Variants in PLSCR4 observed in about 807,000 individuals in gnomAD.
The protein encoded by PLSCR4 is Ca(2+)-dependent phospholipid scramblase 4.
A neutral mutation model predicts 36.3 loss-of-function variants in PLSCR4; 25 were observed. The ratio of observed to expected loss-of-function variants is 0.69; its 90% CI spans 0.50 to 0.96. The LOEUF is 0.96. Among genes scored for constraint, PLSCR4 ranks in the 40% least tolerant of loss-of-function variants. The pLI is 0.00. For synonymous variants in PLSCR4, 122 were observed against 132.9 expected (o/e 0.92, Z 0.56); for missense variants, 408 against 414.7 (o/e 0.98, Z 0.14).
chr3:146,201,073 T>C lies in PLSCR4; in HGVS notation c.359A>G (p.Asp120Gly). The C allele has an allele frequency of 6.5e-7, 1 of 1,549,888 alleles. No individual in the cohort carries two copies. The highest frequency in any genetic ancestry group is 8.7e-7 in the Non-Finnish European group (1 of 1,155,388). ...AAAATGCTGAAGAACATGTATGTTGTCCAACTGTTGGGATAAAACAAAGCA... is the reference window on the plus strand; with the variant it reads ...AAAATGCTGAAGAACATGTATGTTGCCCAACTGTTGGGATAAAACAAAGCA... ...PPGLEYLVQL[D>G]NIHVLQHFEP... Residue 120 changes from aspartate to glycine, a missense_variant, in exon 5 of 9, where the codon GAC becomes GGC. By Grantham distance (94) the Asp-to-Gly change is moderately conservative. Coordinates refer to ENST00000354952, the MANE Select transcript of PLSCR4 (RefSeq NM_020353.3).
At chr3:146,232,021 T>C (rs2107824007) in intron 1 of PLSCR4, among the ~76,000 whole-genome samples, 1 of 152,288 alleles carries the variant, frequency 6.6e-6, no homozygotes, top group Non-Finnish European at 1.5e-5. Context: ...CCATTTTGAG[T>C]TGATTTTTGT....
intron 3 of PLSCR4, among the ~76,000 whole-genome samples, chr3:146,214,625 A>C (rs1258498705): frequency 6.6e-6 from 1 of 152,036 alleles, no homozygotes; most frequent in African/African-American, 2.4e-5. Context: ...TATACTCTAC[A>C]TGATTTTAAT....
intron 1 of PLSCR4, among the ~76,000 whole-genome samples, chr3:146,243,865 TAAAATAATAAAATTCAGTG>T (rs1358809048): frequency 6.6e-6 from 1 of 152,154 alleles, no homozygotes; most frequent in Non-Finnish European, 1.5e-5. Context: ...TCTTCTCACT[TAAAATAATAAAATTCAGTG>T]AATGATAACC....
intron 4 of PLSCR4, among the ~76,000 whole-genome samples, chr3:146,201,970 T>A (rs1022249420): frequency 6.6e-6 from 1 of 152,026 alleles, no homozygotes; most frequent in African/African-American, 2.4e-5. Flanking sequence ...AAGTGCCATA[T>A]TTCACCAAAC....
At chr3:146,228,913 C>A (rs981692080) in intron 1 of PLSCR4, among the ~76,000 whole-genome samples, 7 of 151,804 alleles carry the variant, frequency 4.6e-5, no homozygotes, top group East Asian at 1.9e-4. Flanking sequence ...ATTTTATAAA[C>A]CCTCTAATAT....
chr3:146,208,375 G>C (rs1174030643), intron 3 of PLSCR4, among the ~76,000 whole-genome samples: 3 of 152,100 alleles, frequency 2.0e-5, no homozygotes, highest in Admixed American at 2.0e-4. Flanking sequence ...CTTAGGCAAA[G>C]ACTTCATGAC....
chr3:146,228,931 G>A (rs2035585379), intron 1 of PLSCR4, among the ~76,000 whole-genome samples: 1 of 151,912 alleles, frequency 6.6e-6, no homozygotes, highest in South Asian at 2.1e-4. Flanking sequence ...TATATCACAA[G>A]TACCTAGGCT....
At chr3:146,200,700 G>GAT (rs1210667162) in intron 5 of PLSCR4, among the ~76,000 whole-genome samples, 3 of 152,012 alleles carry the variant, frequency 2.0e-5, no homozygotes, top group Non-Finnish European at 2.9e-5. Context: ...TGACTGTGGT[G>GAT]TCCCTGGCTA....
chr3:146,247,411 G>T (rs1421827803), intron 1 of PLSCR4, among the ~76,000 whole-genome samples: 1 of 151,598 alleles, frequency 6.6e-6, no homozygotes, highest in Non-Finnish European at 1.5e-5. Context: ...AAAAAAAATT[G>T]GTTTTATTTT....
chr3:146,249,914 G>A (rs1228701218), intron 1 of PLSCR4, among the ~76,000 whole-genome samples: 2 of 151,928 alleles, frequency 1.3e-5, no homozygotes, highest in Non-Finnish European at 2.9e-5. Context: ...TTATTTTACT[G>A]TATTATCTAG....
Position 146,227,325 on chromosome 3 carries a change from G to A in PLSCR4, c.-21-5233C>T, listed in dbSNP as rs371628475. Among the ~76,000 whole-genome samples, 20 of 152,274 alleles carry A rather than the reference G, an allele frequency of 1.3e-4. No homozygotes were observed. The East Asian group carries it at 3.5e-3, about 26-fold the overall frequency. On this transcript the variant is annotated intron_variant, in intron 1 of 8. Transcript: ENST00000354952. ...TGGGCTGCCTGGAATGTAATTAAGA[G>A]AGAAAGGAGACATGGGCTAGACAGG...
chr3:146,244,435 G>A (rs1227183797), intron 1 of PLSCR4, among the ~76,000 whole-genome samples: 1 of 151,996 alleles, frequency 6.6e-6, no homozygotes. Flanking sequence ...TTGTATCAAG[G>A]AGTCTATCAG....
At chr3:146,235,415 T>A (rs757744936) in intron 1 of PLSCR4, among the ~76,000 whole-genome samples, 13 of 152,278 alleles carry the variant, frequency 8.5e-5, no homozygotes, top group Admixed American at 2.0e-4. Context: ...CTGCCATGAC[T>A]GTAAGTTTCC....
intron 4 of PLSCR4, among the ~76,000 whole-genome samples, chr3:146,205,001 A>T (rs1281480525): frequency 6.6e-6 from 1 of 152,092 alleles, no homozygotes; most frequent in African/African-American, 2.4e-5. Context: ...CACCAATGTT[A>T]TAATATTATA....
chr3:146,219,911 G>A (rs1324460183), intron 3 of PLSCR4, among the ~76,000 whole-genome samples: 2 of 152,052 alleles, frequency 1.3e-5, no homozygotes, highest in African/African-American at 4.8e-5. Flanking sequence ...TTGCACTCCA[G>A]CCTGGGCAAC....
intron 1 of PLSCR4, among the ~76,000 whole-genome samples, chr3:146,234,668 A>C (rs1576491001): frequency 1.3e-5 from 2 of 152,284 alleles, no homozygotes; most frequent in South Asian, 2.1e-4. Context: ...AAAATAGGAG[A>C]GACCCAGAAA....
chr3:146,236,298 G>C (rs9830892), intron 1 of PLSCR4, among the ~76,000 whole-genome samples: 99,222 of 151,968 alleles, frequency 0.65, 35,338 homozygotes, highest in Non-Finnish European at 0.8. Context: ...AGATAAAGAA[G>C]AACAGAAAGG....
intron 1 of PLSCR4, among the ~76,000 whole-genome samples, chr3:146,228,400 A>C (rs560170863): frequency 2.0e-5 from 3 of 152,146 alleles, no homozygotes; most frequent in Non-Finnish European, 4.4e-5. Context: ...CCCATCTTCT[A>C]TATCCAGTAA....
At chr3:146,220,694 T>C (rs3762687) in intron 3 of PLSCR4, 121 bp downstream of exon 3, 233,151 of 678,484 alleles carry the variant, frequency 0.34, 41,286 homozygotes, top group African/African-American at 0.4. Flanking sequence ...GGCACCCTAT[T>C]GGCATCCAAT....
Sources: gnomAD v4.1 joint callset for allele counts (sites outside exome capture counted in the v4.1 genomes callset) on GRCh38, gnomAD v4.1.1 for gene constraint, MANE v1.5 for transcripts, NCBI Gene and HGNC (gene_info 2026-07-23, HGNC 2026-07-21) for gene names.